The following ADK variants were observed in gnomAD, a reference collection of about 807,000 sequenced individuals.
ADK encodes N6,N6-dimethyladenosine kinase.
ADK carries 24 observed loss-of-function variants against 44.7 expected under a neutral mutation model. The ratio of observed to expected loss-of-function variants is 0.54; its 90% confidence interval spans 0.39 to 0.76. The LOEUF (loss-of-function observed/expected upper bound fraction) is 0.76. ADK is among the 30% of genes least tolerant of loss of function. ADK has a pLI of 0.00. For missense variants in ADK, 321 were observed against 425.1 expected (o/e 0.76, Z 2.15); for synonymous variants, 128 against 142.6 (o/e 0.90, Z 0.73).
intron 6 of ADK, among the ~76,000 whole-genome samples, chr10:74,471,081 T>C (rs969685424): frequency 3.8e-4 from 58 of 151,262 alleles, no homozygotes; most frequent in Non-Finnish European, 6.1e-4. Context: ...TTTTCTTTTT[T>C]TTTTTTTTTT....
At chr10:74,277,516 C>T (rs1253067545) in intron 3 of ADK, among the ~76,000 whole-genome samples, 1 of 152,090 alleles carries the variant, frequency 6.6e-6, no homozygotes. Flanking sequence ...CCTGCCTCAG[C>T]CTCCCAAGTA....
chr10:74,258,231 A>G (rs1398229076), intron 3 of ADK, among the ~76,000 whole-genome samples: 6 of 152,206 alleles, frequency 3.9e-5, no homozygotes, highest in African/African-American at 1.4e-4. Context: ...ATAAGTTGGC[A>G]TCACTTACTA....
intron 4 of ADK, among the ~76,000 whole-genome samples, chr10:74,383,835 T>C (rs763506613): frequency 1.3e-5 from 2 of 152,170 alleles, no homozygotes; most frequent in Non-Finnish European, 2.9e-5. Flanking sequence ...CTGCATATAG[T>C]AAACATCCTC....
At chr10:74,270,862 A>G (rs1440150637) in intron 3 of ADK, among the ~76,000 whole-genome samples, 1 of 152,224 alleles carries the variant, frequency 6.6e-6, no homozygotes, top group African/African-American at 2.4e-5. Context: ...AATCCAGATA[A>G]TGTCCAAGTA....
intron 9 of ADK, among the ~76,000 whole-genome samples, chr10:74,622,075 G>T (rs1472935919): frequency 6.6e-6 from 1 of 152,136 alleles, no homozygotes; most frequent in East Asian, 1.9e-4. Flanking sequence ...GACAAGTGTG[G>T]CAAATACCTT....
chr10:74,237,462 T>C (rs114032236), intron 3 of ADK, among the ~76,000 whole-genome samples: 1,939 of 152,278 alleles, frequency 0.013, 41 homozygotes, highest in African/African-American at 0.044. Context: ...CTCAAAGTCA[T>C]CCACAAGGGC....
intron 7 of ADK, among the ~76,000 whole-genome samples, chr10:74,582,889 G>A (rs939748054): frequency 6.6e-6 from 1 of 152,130 alleles, no homozygotes; most frequent in African/African-American, 2.4e-5. Flanking sequence ...ATATTCTTTG[G>A]AAAAGCTAGT....
chr10:74,615,658 G>A (rs1416803331), intron 9 of ADK, among the ~76,000 whole-genome samples: 2 of 152,020 alleles, frequency 1.3e-5, no homozygotes, highest in African/African-American at 4.8e-5. Flanking sequence ...GTAGTGAGAT[G>A]GAGCTCCTTT....
rs56168944 is a variant in ADK, at chr10:74,619,012, TTGTGTGTGTGTGTGTGTGTGTGTG to T, written c.877+18543_877+18566del. Among the ~76,000 whole-genome samples the T allele has an allele frequency of 7.5e-4, 105 of 139,478 alleles. 1 individual carries two copies. Among genetic ancestry groups the T allele is most frequent in the South Asian group, 9.3e-4 (4 of 4,292 alleles). 91.5% of individuals were successfully genotyped at this position (139,478 alleles called of 152,430 possible). A position where few individuals can be genotyped will look rare whatever the true frequency, so the allele number is the denominator to read the frequency against. ...GTATCCCATATGCCTTTTATGCTCT[TTGTGTGTGTGTGTGTGTGTGTGTG>T]TGTGTGTGTGTGTGTGTGTGTGTTT... On this transcript the variant is annotated intron_variant, in intron 9 of 10. Coordinates refer to ENST00000539909, the MANE Select transcript of ADK (RefSeq NM_006721.4).
chr10:74,333,552 T>G (rs918323980), intron 4 of ADK, among the ~76,000 whole-genome samples: 1 of 152,232 alleles, frequency 6.6e-6, no homozygotes, highest in Admixed American at 6.5e-5. Flanking sequence ...AGGGTTTATC[T>G]TATTTGTGAG....
chr10:74,234,707 G>C (rs1289375243), intron 3 of ADK, among the ~76,000 whole-genome samples: 1 of 152,136 alleles, frequency 6.6e-6, no homozygotes, highest in East Asian at 1.9e-4. Flanking sequence ...ATTTCCAACA[G>C]ACTAGGTCTT....
At chr10:74,613,586 G>A (rs1852635138) in intron 9 of ADK, among the ~76,000 whole-genome samples, 1 of 151,892 alleles carries the variant, frequency 6.6e-6, no homozygotes, top group Non-Finnish European at 1.5e-5. Flanking sequence ...GACGTTACTT[G>A]TCTTCATGTT....
intron 4 of ADK, among the ~76,000 whole-genome samples, chr10:74,343,683 A>G (rs1841662747): frequency 1.3e-5 from 2 of 152,288 alleles, no homozygotes; most frequent in South Asian, 4.1e-4. Flanking sequence ...ATCTTGGCTC[A>G]CTGCAACTTC....
chr10:74,227,366 A>C (rs545811013), intron 3 of ADK, among the ~76,000 whole-genome samples: 103 of 152,316 alleles, frequency 6.8e-4, no homozygotes, highest in African/African-American at 2.4e-3. Flanking sequence ...TAATTCTATA[A>C]GAGTACCAAT....
intron 9 of ADK, among the ~76,000 whole-genome samples, chr10:74,620,522 T>C (rs571690539): frequency 2.6e-5 from 4 of 152,362 alleles, no homozygotes; most frequent in African/African-American, 9.6e-5. Flanking sequence ...TATCTGTTGT[T>C]GGACATTTGG....
At chr10:74,674,496 A>G (rs1010956381) in intron 10 of ADK, among the ~76,000 whole-genome samples, 6 of 152,050 alleles carry the variant, frequency 3.9e-5, no homozygotes, top group Non-Finnish European at 7.4e-5. Context: ...TTAGCTGGTC[A>G]TGGTAACATG....
chr10:74,274,751 C>CACATTATATATATATATATATATATAT (rs1564628412), intron 3 of ADK, among the ~76,000 whole-genome samples: 41 of 105,620 alleles, frequency 3.9e-4, no homozygotes, highest in Non-Finnish European at 6.6e-4. Flanking sequence ...TATATATACA[C>CACATTATATATATATATATATATATAT]ACACACATTA....
chr10:74,376,750 T>G (rs1410332547), intron 4 of ADK, among the ~76,000 whole-genome samples: 1 of 151,852 alleles, frequency 6.6e-6, no homozygotes, highest in Non-Finnish European at 1.5e-5. Context: ...TTGTGTCTTT[T>G]ATTATTACTG....
chr10:74,393,492 A>G (rs780223561), intron 4 of ADK, among the ~76,000 whole-genome samples: 7 of 152,208 alleles, frequency 4.6e-5, no homozygotes, highest in Admixed American at 6.5e-5. Flanking sequence ...ATTTTTTTAG[A>G]TATGAGCATG....
Sources: gnomAD v4.1 joint callset for allele counts (sites outside exome capture counted in the v4.1 genomes callset) on GRCh38, gnomAD v4.1.1 for gene constraint, MANE v1.5 for transcripts, NCBI Gene and HGNC (gene_info 2026-07-23, HGNC 2026-07-21) for gene names.